Variants in GNPDA2 observed in about 807,000 individuals in gnomAD.
GNPDA2 encodes the protein glucosamine-6-phosphate deaminase 2.
A neutral mutation model predicts 27.0 loss-of-function variants in GNPDA2; 24 were observed. The observed-to-expected ratio is 0.89, with a 90% CI of 0.64 to 1.25. The LOEUF is 1.25. GNPDA2 is among the 50% of genes most tolerant of loss of function. The pLI is 0.00. For missense variants in GNPDA2, 286 were observed against 335.1 expected (o/e 0.85, Z 1.14); for synonymous variants, 94 against 108.4 (o/e 0.87, Z 0.83).
rs1717203454 is a variant in GNPDA2 at position 44,715,086 on chromosome 4, G to A, written c.409+2027C>T. Among the ~76,000 whole-genome samples, 3 of 152,098 alleles carry A rather than the reference G, an allele frequency of 2.0e-5. No homozygotes were observed. In the South Asian group the frequency reaches 6.2e-4, roughly 32 times the overall value. On this transcript the variant is annotated intron_variant, in intron 4 of 6. Transcript: ENST00000295448. ...ACATCTATTTCAAAAGGAGAACTGA[G>A]GTGGTTTATACTGAAGAAACATAAC... is the stretch of plus-strand genomic sequence containing the variant.
At chr4:44,710,871 C>A (rs945172245) in intron 5 of GNPDA2, 82 bp downstream of exon 5, 2 of 1,115,020 alleles carry the variant, frequency 1.8e-6, no homozygotes, top group Admixed American at 2.7e-5. Context: ...ATCAAAATAT[C>A]ACTTATTCAG....
rs1182076895 is a variant in GNPDA2, at chr4:44,701,818, C to T, written c.*1263G>A. On this transcript the variant is annotated 3_prime_UTR_variant, in exon 7 of 7. Transcript: ENST00000295448. ...ATTAAAACATCATCTGGAATTAAAG[C>T]AGCATAATTTACCCCATCCCCCACT... The T allele has an allele frequency of 2.0e-6, 2 of 984,206 alleles. No homozygotes were observed. The highest frequency in any genetic ancestry group is 5.2e-4 in the Middle Eastern group (1 of 1,934). 61.0% of individuals were successfully genotyped at this position (984,206 alleles called of 1,614,324 possible).
At position 44,717,278 on chromosome 4, in the gene GNPDA2, G is replaced by A; in HGVS notation, c.244C>T (p.Pro82Ser). ...DEYVGLPRNH[P>S]ESYHSYMWNN... is the part of the protein sequence containing the mutation. ...CACATATAAGAATGGTAGCTTTCAG[G>A]ATGATTTCTTGGAAGTCCTAAAGAT... The change falls in exon 4 of 7, where the codon CCT becomes TCT. Residue 82 changes from proline (P) to serine (S), a missense_variant. Pro to Ser is a moderately conservative substitution (Grantham distance 74). Transcript: ENST00000295448. The A allele has an allele frequency of 6.7e-7, 1 of 1,493,008 alleles. No homozygotes were observed. The highest frequency in any genetic ancestry group is 9.1e-7 in the Non-Finnish European group (1 of 1,103,660). The allele number at this position is 1,493,008 out of a possible 1,614,324, so 92.5% of individuals were successfully genotyped here. A position where few individuals can be genotyped will look rare whatever the true frequency, so the allele number is the denominator to read the frequency against.
intron 1 of GNPDA2, among the ~76,000 whole-genome samples, chr4:44,726,207 G>C (rs1368428001): frequency 6.6e-6 from 1 of 152,154 alleles, no homozygotes; most frequent in East Asian, 1.9e-4. Context: ...AACGAGTGTA[G>C]AGAGAGGTGT....
intron 6 of GNPDA2, chr4:44,704,535 G>A: frequency 1.4e-6 from 1 of 705,002 alleles, no homozygotes; most frequent in South Asian, 6.5e-5. Context: ...AAATAGGACT[G>A]CTTCCAAACT....
chr4:44,705,891 A>C (rs1423286927), intron 6 of GNPDA2: 1 of 151,986 alleles, frequency 6.6e-6, no homozygotes, highest in South Asian at 2.1e-4. Context: ...TAAGTAAATC[A>C]ATAAGTAAAA....
chr4:44,707,614 C>G (rs1577582250), intron 6 of GNPDA2, 138 bp downstream of exon 6: 2 of 611,924 alleles, frequency 3.3e-6, no homozygotes, highest in East Asian at 5.7e-5. Flanking sequence ...TGAGAACTTT[C>G]CATTACTTGA....
At position 44,722,225 on chromosome 4, in the gene GNPDA2, T is replaced by C; in HGVS notation, c.-18A>G. On this transcript the variant is annotated 5_prime_UTR_variant, in exon 2 of 7. Coordinates refer to ENST00000295448, the MANE Select transcript of GNPDA2 (RefSeq NM_138335.3). Reference sequence around the variant, plus strand: ...AGCCTCATTACGGTGACGCACAGCTTCCAGAACAAGTTCAAACCTGAGAAA... The same window carrying C: ...AGCCTCATTACGGTGACGCACAGCTCCCAGAACAAGTTCAAACCTGAGAAA... 1 of 1,611,846 alleles carries C rather than the reference T, an allele frequency of 6.2e-7. No individual in the cohort carries two copies. The highest frequency in any genetic ancestry group is 8.5e-7 in the Non-Finnish European group (1 of 1,178,982).
chr4:44,703,143 C>T lies in GNPDA2; in HGVS notation c.770-1G>A. 6.2e-7 allele frequency: 1 copy of T among 1,605,344 alleles called. No individual in the cohort carries two copies. Among genetic ancestry groups the T allele is most frequent in the Non-Finnish European group, 8.5e-7 (1 of 1,177,252 alleles). Reference sequence around the variant, plus strand: ...AGTTTATTGTGCACATGCATTAGACCTTAAAGAAAAAAAGCACAGTTCTAG... The same window carrying T: ...AGTTTATTGTGCACATGCATTAGACTTTAAAGAAAAAAAGCACAGTTCTAG... On this transcript the variant is annotated splice_acceptor_variant, in intron 6 of 6. Transcript: ENST00000295448. LOFTEE classifies it high-confidence loss of function.
Position 44,702,950 on chromosome 4 carries a change from T to C in GNPDA2, c.*131A>G. 1 of 1,515,730 alleles carries C rather than the reference T, an allele frequency of 6.6e-7. No homozygotes were observed. 93.9% of individuals were successfully genotyped at this position (1,515,730 alleles called of 1,614,324 possible). A position where few individuals can be genotyped will look rare whatever the true frequency, so the allele number is the denominator to read the frequency against. ...TATTCAAAATATGGAATGTTTAACA[T>C]AGAGACTCGAATGAAAAAATGACAA... is the stretch of plus-strand genomic sequence containing the variant. On this transcript the variant is annotated 3_prime_UTR_variant, in exon 7 of 7. Coordinates refer to ENST00000295448, the MANE Select transcript of GNPDA2 (RefSeq NM_138335.3).
intron 4 of GNPDA2, among the ~76,000 whole-genome samples, chr4:44,715,230 T>C (rs1221300440): frequency 6.6e-6 from 1 of 152,200 alleles, no homozygotes; most frequent in African/African-American, 2.4e-5. Flanking sequence ...TATTTTATGC[T>C]ATGAATGCTT....
At chr4:44,722,524 A>C (rs1717742942) in intron 1 of GNPDA2, among the ~76,000 whole-genome samples, 2 of 152,168 alleles carry the variant, frequency 1.3e-5, no homozygotes, top group Non-Finnish European at 2.9e-5. Context: ...CAGCCAACCA[A>C]GAACTGAAAA....
At chr4:44,707,423 A>G in intron 6 of GNPDA2, 1 of 335,152 alleles carries the variant, frequency 3.0e-6, no homozygotes, top group East Asian at 4.5e-5. Flanking sequence ...ACATGAAAAG[A>G]AATCCAGAAT....
At chr4:44,714,647 TA>T in intron 4 of GNPDA2, 4 of 985,206 alleles carry the variant, frequency 4.1e-6, no homozygotes, top group Non-Finnish European at 4.8e-6. Context: ...TTAGAGTTTT[TA>T]TTAACCAAAC....
intron 6 of GNPDA2, chr4:44,703,884 G>A (rs1178740545): frequency 3.0e-6 from 3 of 984,854 alleles, no homozygotes; most frequent in African/African-American, 1.7e-5. Flanking sequence ...TAAAAAGACT[G>A]ACCCAGTTAA....
chr4:44,710,539 A>G (rs1304250740), intron 5 of GNPDA2, among the ~76,000 whole-genome samples: 4 of 152,192 alleles, frequency 2.6e-5, no homozygotes, highest in African/African-American at 9.7e-5. Flanking sequence ...GGGCTCTATC[A>G]TCCTACATAA....
intron 5 of GNPDA2, 48 bp downstream of exon 5, chr4:44,710,905 A>C (rs1716932834): frequency 7.4e-7 from 1 of 1,349,728 alleles, no homozygotes; most frequent in South Asian, 1.5e-5. Flanking sequence ...CCAAAATATT[A>C]ATATATTAAC....
intron 6 of GNPDA2, chr4:44,707,153 G>A (rs1051996643): frequency 2.0e-5 from 3 of 152,140 alleles, no homozygotes; most frequent in African/African-American, 7.2e-5. Flanking sequence ...GCCTGGTAGA[G>A]TAAGGTTTCT....
At chr4:44,720,339 T>C (rs902466050) in intron 2 of GNPDA2, among the ~76,000 whole-genome samples, 8 of 152,124 alleles carry the variant, frequency 5.3e-5, no homozygotes, top group Non-Finnish European at 7.4e-5. Context: ...CCAATCTAGA[T>C]AGGTCTGGTG....
Sources: gnomAD v4.1 joint callset for allele counts (sites outside exome capture counted in the v4.1 genomes callset) on GRCh38, gnomAD v4.1.1 for gene constraint, MANE v1.5 for transcripts, NCBI Gene and HGNC (gene_info 2026-07-23, HGNC 2026-07-21) for gene names.